The following FBH1 variants were observed in gnomAD, a reference collection of about 807,000 sequenced individuals.
The protein encoded by FBH1 is DNA 3'-5' helicase 1.
FBH1 carries 43 observed loss-of-function variants against 115.5 expected under a neutral mutation model. The observed-to-expected ratio is 0.37, with a 90% CI of 0.29 to 0.48. The LOEUF is 0.48. FBH1 is among the 20% of genes least tolerant of loss of function. The pLI is 0.99. For missense variants in FBH1, 1,001 were observed against 1,337.3 expected (o/e 0.75, Z 3.92); for synonymous variants, 524 against 507.8 (o/e 1.03, Z -0.43).
intron 1 of FBH1, chr10:5,894,343 T>A (rs1467059026): frequency 1.0e-5 from 16 of 1,555,064 alleles, no homozygotes; most frequent in East Asian, 2.3e-5. Flanking sequence ...ACAATGATTT[T>A]AAAAAAATGT....
In FBH1 at chr10:5,915,610, C is replaced by T. The variant is rs1164750381; in HGVS notation, c.1565+39C>T. On this transcript the variant is annotated intron_variant, in intron 9 of 20. Coordinates refer to ENST00000362091, the MANE Select transcript of FBH1 (RefSeq NM_178150.3). The surrounding 1 kb of genome is among the most constrained non-coding windows in gnomAD (Gnocchi z 5.2). Reference sequence around the variant, plus strand: ...TCACTAGTGGCACTGTTGCTGCTGGCACGGTCGCGTCTTACTGTTTTCCCG... The same window carrying T: ...TCACTAGTGGCACTGTTGCTGCTGGTACGGTCGCGTCTTACTGTTTTCCCG... 6.3e-7 allele frequency: 1 copy of T among 1,593,376 alleles called. No individual in the cohort carries two copies. Among genetic ancestry groups the T allele is most frequent in the East Asian group, 2.2e-5 (1 of 44,764 alleles).
intron 2 of FBH1, among the ~76,000 whole-genome samples, chr10:5,903,807 C>A (rs1189382126): frequency 1.3e-5 from 2 of 152,160 alleles, no homozygotes; most frequent in African/African-American, 4.8e-5. Context: ...TCTTCTCTGT[C>A]CAATCTGTCA....
chr10:5,906,162 T>A lies in FBH1; in HGVS notation c.283T>A (p.Phe95Ile). ...SCQDSEGDMI[F>I]PAESSCALPQ... Reference sequence around the variant, plus strand: ...TCAGGACTCTGAGGGTGACATGATCTTTCCTGCAGAGAGCAGCTGTGCACT... The same window carrying A: ...TCAGGACTCTGAGGGTGACATGATCATTCCTGCAGAGAGCAGCTGTGCACT... The change falls in exon 3 of 21, where the codon TTT becomes ATT. Residue 95 changes from phenylalanine to isoleucine, a missense_variant. Physicochemically the swap from Phe to Ile is conservative, Grantham distance 21 (BLOSUM62 0). Transcript: ENST00000362091. The surrounding 1 kb of genome is among the most constrained non-coding windows in gnomAD (Gnocchi z 7.3). The A allele has an allele frequency of 6.2e-7, 1 of 1,614,156 alleles. No homozygotes were observed. The highest frequency in any genetic ancestry group is 8.5e-7 in the Non-Finnish European group (1 of 1,180,026).
rs970478569 is a variant in FBH1, at chr10:5,925,485, C to T, written c.2715C>T (p.Phe905=). The stretch of plus-strand genomic sequence containing the variant: ...ATAACCTGCCCCAGCTTCCGCACTT[C>T]AGAGTTGGTAAGAGGCCGCCGGGTA... ...ARHNLPQLPH[F]RVESFSEDEW... is the part of the protein sequence containing the mutation. Residue 905 remains phenylalanine (F), a synonymous_variant, in exon 18 of 21, where the codon TTC becomes TTT. Transcript: ENST00000362091. The surrounding 1 kb of genome is among the most constrained non-coding windows in gnomAD (Gnocchi z 4.6). The T allele has an allele frequency of 1.9e-6, 3 of 1,613,826 alleles. No individual in the cohort carries two copies. In the African/African-American group the frequency reaches 4.0e-5, roughly 22 times the overall value.
chr10:5,922,155 A>G (rs1832349412), intron 15 of FBH1, among the ~76,000 whole-genome samples: 1 of 152,250 alleles, frequency 6.6e-6, no homozygotes, highest in Admixed American at 6.5e-5. Flanking sequence ...TCAAGAGCCT[A>G]CTATGCATTA....
chr10:5,916,247 A>C lies in FBH1; in HGVS notation c.1579A>C (p.Lys527Gln). ...GHIGRKYQSK[K>Q]KLNLFKLTPF... ...TGGGTATTGCAGGTACCAGTCAAAG[A>C]AGAAGTTGAATCTCTTCAAGTTAAC... The change falls in exon 10 of 21, where the codon AAG (lysine) becomes CAG (glutamine). Residue 527 changes from lysine to glutamine, a missense_variant. By Grantham distance (53) the Lys-to-Gln change is moderately conservative (BLOSUM62 1). Coordinates refer to ENST00000362091, the MANE Select transcript of FBH1 (RefSeq NM_178150.3). The C allele has an allele frequency of 6.2e-7, 1 of 1,614,184 alleles. No individual in the cohort carries two copies. The highest frequency in any genetic ancestry group is 2.2e-5 in the East Asian group (1 of 44,884).
chr10:5,930,712 A>C (rs666831), intron 19 of FBH1, among the ~76,000 whole-genome samples: 130,528 of 152,254 alleles, frequency 0.86, 56,046 homozygotes, highest in Admixed American at 0.89. Flanking sequence ...AGAAAAAAAA[A>C]CAGTGGTTCA....
intron 6 of FBH1, among the ~76,000 whole-genome samples, chr10:5,912,498 G>T (rs1831660661): frequency 1.3e-5 from 2 of 151,896 alleles, no homozygotes. Flanking sequence ...CGTGGGGGCT[G>T]GGGGCCGGGG....
chr10:5,937,354 G>A lies in FBH1; in HGVS notation c.*74G>A, dbSNP rs961219293. 1.0e-5 allele frequency: 14 copies of A among 1,402,152 alleles called. No homozygotes were observed. Among genetic ancestry groups the A allele is most frequent in the Middle Eastern group, 2.6e-4 (1 of 3,850 alleles). The allele number at this position is 1,402,152 out of a possible 1,614,324, so 86.9% of individuals were successfully genotyped here. On this transcript the variant is annotated 3_prime_UTR_variant, in exon 21 of 21. Transcript: ENST00000362091. ...CGCGTGAAGAAAGCCAGCGAGGGGGGCTTCTGCTCCCTGAGACTCTGGGTT... is the reference window on the plus strand; with the variant it reads ...CGCGTGAAGAAAGCCAGCGAGGGGGACTTCTGCTCCCTGAGACTCTGGGTT...
At chr10:5,912,488 C>T (rs937453343) in intron 6 of FBH1, among the ~76,000 whole-genome samples, 3 of 61,118 alleles carry the variant, frequency 4.9e-5, no homozygotes, top group African/African-American at 6.5e-5. Context: ...AAGCAGAGAC[C>T]GTGGGGGCTG....
At chr10:5,907,651 TTTA>T (rs1375309156) in intron 3 of FBH1, among the ~76,000 whole-genome samples, 127 of 152,158 alleles carry the variant, frequency 8.3e-4, no homozygotes, top group Non-Finnish European at 1.4e-3. Flanking sequence ...TTTTTGTATT[TTTA>T]GGAGAGATAG....
chr10:5,909,379 T>G lies in FBH1; in HGVS notation c.1020+85T>G. The G allele has an allele frequency of 7.1e-7, 1 of 1,415,910 alleles. No homozygotes were observed. The highest frequency in any genetic ancestry group is 1.4e-5 in the African/African-American group (1 of 69,944). The allele number at this position is 1,415,910 out of a possible 1,614,324, so 87.7% of individuals were successfully genotyped here. A position where few individuals can be genotyped will look rare whatever the true frequency, so the allele number is the denominator to read the frequency against. On this transcript the variant is annotated intron_variant, in intron 5 of 20. Coordinates refer to ENST00000362091, the MANE Select transcript of FBH1 (RefSeq NM_178150.3). The surrounding 1 kb of genome is among the most constrained non-coding windows in gnomAD (Gnocchi z 4.4). ...GTGATTCAGTTCAATTGAGGATGAC[T>G]TTATATTTATTTTTAATGTCTGTAT...
intron 13 of FBH1, among the ~76,000 whole-genome samples, chr10:5,919,080 T>C (rs530022595): frequency 2.6e-5 from 4 of 152,260 alleles, no homozygotes; most frequent in Admixed American, 6.5e-5. Flanking sequence ...TCTTCTGTTA[T>C]GCCAGGCATT....
In FBH1 at chr10:5,909,192, G is replaced by A. The variant is rs1412397290; in HGVS notation, c.918G>A (p.Val306=). The stretch of plus-strand genomic sequence containing the variant: ...CCACCACTAAGTGCTCTCCGAGTGT[G>A]GATCCCGAGAGGGTGCTGTGGAGTC... ...YTATTKCSPS[V]DPERVLWSLR... is the part of the protein sequence containing the mutation. Residue 306 remains valine, a synonymous_variant, in exon 5 of 21, where the codon GTG becomes GTA. Transcript: ENST00000362091. The surrounding 1 kb of genome is among the most constrained non-coding windows in gnomAD (Gnocchi z 4.4). 4 of 1,612,402 alleles carry A rather than the reference G, an allele frequency of 2.5e-6. No homozygotes were observed. The highest frequency in any genetic ancestry group is 1.6e-4 in the Middle Eastern group (1 of 6,076).
intron 19 of FBH1, among the ~76,000 whole-genome samples, chr10:5,929,043 C>G (rs1391572884): frequency 6.6e-6 from 1 of 152,082 alleles, no homozygotes; most frequent in Admixed American, 6.6e-5. Context: ...AAATGATATT[C>G]AACTCTCAGA....
Position 5,897,359 on chromosome 10 carries a change from C to T in FBH1, c.2-5661C>T, listed in dbSNP as rs959678213. ...CTTTAAGGGAACATTAAGTGTAAAG[C>T]GTGTAATTGCAGAGGAGGTGGACAC... On this transcript the variant is annotated intron_variant, in intron 1 of 20. Transcript: ENST00000362091. This position sits in a 1 kb window ranked among gnomAD's most constrained non-coding sequence, Gnocchi z 4.7. Among the ~76,000 whole-genome samples the T allele has an allele frequency of 2.6e-5, 4 of 151,962 alleles. No homozygotes were observed. Among genetic ancestry groups the T allele is most frequent in the African/African-American group, 7.2e-5 (3 of 41,384 alleles).
In FBH1 at chr10:5,909,001, T is replaced by C; in HGVS notation, c.830T>C (p.Leu277Pro). The change falls in exon 4 of 21, where the codon CTG becomes CCG. Residue 277 changes from leucine (L) to proline (P), a missense_variant. Transcript: ENST00000362091. The surrounding 1 kb of genome is among the most constrained non-coding windows in gnomAD (Gnocchi z 4.4). ...EQAVSKVDGI[L>P]SNCGIEKESD... ...GCTGTCAGCAAAGTGGACGGCATCC[T>C]GTCTAACTGTGGCATAGAAAAGGAG... 6.2e-7 allele frequency: 1 copy of C among 1,614,256 alleles called. No individual in the cohort carries two copies. The highest frequency in any genetic ancestry group is 8.5e-7 in the Non-Finnish European group (1 of 1,180,042).
Position 5,913,141 on chromosome 10 carries a change from C to T in FBH1, c.1212-606C>T, listed in dbSNP as rs1831711045. 6.6e-6 allele frequency among the ~76,000 whole-genome samples: 1 copy of T among 152,092 alleles called. No individual in the cohort carries two copies. The highest frequency in any genetic ancestry group is 2.1e-4 in the South Asian group (1 of 4,818). ...TGAGTCTGACGAGTCTGACGATGTC[C>T]TGTGCCTCTGCTGATTGAACTTTGT... On this transcript the variant is annotated intron_variant, in intron 6 of 20. Transcript: ENST00000362091. This position sits in a 1 kb window ranked among gnomAD's most constrained non-coding sequence, Gnocchi z 4.4.
chr10:5,893,983 C>A (rs1278910482), intron 1 of FBH1: 1 of 985,108 alleles, frequency 1.0e-6, no homozygotes, highest in Non-Finnish European at 1.2e-6. Context: ...TTAGGAAAAA[C>A]ATAGAACGGA....
Sources: gnomAD v4.1 joint callset for allele counts (sites outside exome capture counted in the v4.1 genomes callset) on GRCh38, gnomAD v4.1.1 for gene constraint, Gnocchi (gnomAD v3.1) non-coding constraint, MANE v1.5 for transcripts, NCBI Gene and HGNC (gene_info 2026-07-23, HGNC 2026-07-21) for gene names.